Variants in ARPP19 observed in about 807,000 individuals in gnomAD.
ARPP19 encodes cAMP-regulated phosphoprotein 19.
ARPP19 carries 8 observed loss-of-function variants against 12.0 expected under a neutral mutation model. That is an observed-to-expected ratio of 0.67 (90% CI 0.39 to 1.21). The LOEUF (loss-of-function observed/expected upper bound fraction) is 1.21. Ranked by LOEUF, ARPP19 falls within the 50% of genes most tolerant of loss-of-function variation. The pLI, the probability that ARPP19 is intolerant of heterozygous loss-of-function variation, is 0.01. For missense variants in ARPP19, 102 were observed against 136.3 expected (o/e 0.75, Z 1.25); for synonymous variants, 47 against 50.4 (o/e 0.93, Z 0.29).
In ARPP19 at chr15:52,551,849, G is replaced by C. The variant is rs1186567903; in HGVS notation, c.*85C>G. 4 of 1,020,670 alleles carry C rather than the reference G, an allele frequency of 3.9e-6. No individual in the cohort carries two copies. In the East Asian group the frequency reaches 7.1e-5, roughly 18 times the overall value. The allele number at this position is 1,020,670 out of a possible 1,614,324, so 63.2% of individuals were successfully genotyped here. On this transcript the variant is annotated 3_prime_UTR_variant, in exon 3 of 3. Transcript: ENST00000249822. ...AAGCTGTCAGTCTCAAATGACTAGTGAATGAAAGGAAATAAAAAGTAGATA... is the reference window on the plus strand; with the variant it reads ...AAGCTGTCAGTCTCAAATGACTAGTCAATGAAAGGAAATAAAAAGTAGATA...
At chr15:52,553,288 T>A (rs548847537) in intron 2 of ARPP19, among the ~76,000 whole-genome samples, 10 of 152,220 alleles carry the variant, frequency 6.6e-5, no homozygotes, top group Admixed American at 2.0e-4. Flanking sequence ...AAAATGCATA[T>A]CCCTACTCCA....
In ARPP19 at chr15:52,547,807, T is replaced by C. The variant is rs961395140; in HGVS notation, c.*4127A>G. ...ATATTGTTTTAGAAAATTTTAAATG[T>C]GTCCTAAATTGTGGCATATTGAAAA... On this transcript the variant is annotated 3_prime_UTR_variant, in exon 3 of 3. Transcript: ENST00000249822. 4 of 152,222 alleles carry C rather than the reference T, an allele frequency of 2.6e-5. No homozygotes were observed. Among genetic ancestry groups the C allele is most frequent in the Non-Finnish European group, 4.4e-5 (3 of 68,048 alleles). The allele number at this position is 152,222 out of a possible 1,614,324, so 9.4% of individuals were successfully genotyped here.
intron 2 of ARPP19, among the ~76,000 whole-genome samples, chr15:52,554,852 A>G (rs1166207881): frequency 1.3e-5 from 2 of 152,162 alleles, no homozygotes; most frequent in African/African-American, 4.8e-5. Flanking sequence ...ACACAGTCAT[A>G]TTGTTAAAAG....
At chr15:52,569,106 C>G (rs2078117839), upstream of ARPP19, 3 of 548,988 alleles carry the variant, frequency 5.5e-6, no homozygotes, top group Non-Finnish European at 9.6e-6. Flanking sequence ...CGCACCGCAC[C>G]CCTACCTACT....
chr15:52,551,669 G>GT lies in ARPP19; in HGVS notation c.*264dup. The GT allele has an allele frequency of 2.8e-6, 1 of 353,398 alleles. No homozygotes were observed. Among genetic ancestry groups the GT allele is most frequent in the East Asian group, 5.3e-5 (1 of 18,852 alleles). 21.9% of individuals were successfully genotyped at this position (353,398 alleles called of 1,614,324 possible). On this transcript the variant is annotated 3_prime_UTR_variant, in exon 3 of 3. Coordinates refer to ENST00000249822, the MANE Select transcript of ARPP19 (RefSeq NM_006628.6). ...ACTTGCTTGTTACTTGTTAGAACCAGTACTACACTAGAAGTTAGGTAATAT... is the reference window on the plus strand; with the variant it reads ...ACTTGCTTGTTACTTGTTAGAACCAGTTACTACACTAGAAGTTAGGTAATAT...
In ARPP19 at chr15:52,552,038, T is replaced by C. The variant is rs2077937074; in HGVS notation, c.235A>G (p.Thr79Ala). The change falls in exon 3 of 3, where the codon ACT becomes GCT. Residue 79 changes from threonine to alanine, a missense_variant. By Grantham distance (58) the Thr-to-Ala change is moderately conservative (BLOSUM62 0). Transcript: ENST00000249822. The part of the protein sequence containing the change: ...KAKMKNKQLP[T>A]AAPDKTEVTG... The stretch of plus-strand genomic sequence containing the variant: ...ACCTCCGTCTTATCCGGAGCTGCAG[T>C]AGGAAGTTGCTTGTTCTTCATTTTT... 4 of 1,612,556 alleles carry C rather than the reference T, an allele frequency of 2.5e-6. No individual in the cohort carries two copies. Among genetic ancestry groups the C allele is most frequent in the Admixed American group, 1.7e-5 (1 of 60,030 alleles).
chr15:52,555,180 T>C (rs1007632328), intron 2 of ARPP19, among the ~76,000 whole-genome samples: 1 of 152,080 alleles, frequency 6.6e-6, no homozygotes, highest in Non-Finnish European at 1.5e-5. Flanking sequence ...TTTTCTTCAT[T>C]CTCAACTATT....
At chr15:52,564,326 T>C in intron 1 of ARPP19, 2 of 1,047,924 alleles carry the variant, frequency 1.9e-6, no homozygotes, top group Non-Finnish European at 2.8e-6. Context: ...GGTGGGAGGC[T>C]AGGTGAACCC....
At chr15:52,553,001 C>T (rs2077949710) in intron 2 of ARPP19, among the ~76,000 whole-genome samples, 1 of 151,658 alleles carries the variant, frequency 6.6e-6, no homozygotes, top group South Asian at 2.1e-4. Flanking sequence ...CGCTTGAACC[C>T]GGGGTGTGGA....
At chr15:52,554,656 A>C (rs1393438736) in intron 2 of ARPP19, among the ~76,000 whole-genome samples, 1 of 152,178 alleles carries the variant, frequency 6.6e-6, no homozygotes, top group East Asian at 1.9e-4. Flanking sequence ...GTGATCACCT[A>C]AAGTGGTAAT....
chr15:52,557,417 A>AGCTGT (rs550058142), intron 1 of ARPP19, 195 bp from the exon 2 acceptor site: 7 of 537,110 alleles, frequency 1.3e-5, no homozygotes, highest in Non-Finnish European at 2.3e-5. Context: ...GCTCTATTAT[A>AGCTGT]GCTGTGATGC....
intron 1 of ARPP19, among the ~76,000 whole-genome samples, chr15:52,558,784 TAAA>T (rs201468639): frequency 2.2e-5 from 3 of 135,052 alleles, no homozygotes; most frequent in Admixed American, 7.4e-5. Context: ...ATTCATACAT[TAAA>T]AAAAAAAAAA....
chr15:52,569,306 T>C (rs1339347735), upstream of ARPP19: 2 of 243,704 alleles, frequency 8.2e-6, no homozygotes, highest in African/African-American at 2.4e-5. Flanking sequence ...AGCTTTATTT[T>C]ACTCTTTCCA....
chr15:52,555,621 G>A lies in ARPP19; in HGVS notation c.168+1479C>T, dbSNP rs572159124. 5.3e-5 allele frequency among the ~76,000 whole-genome samples: 8 copies of A among 152,012 alleles called. No individual in the cohort carries two copies. The South Asian group carries it at 1.4e-3, about 28-fold the overall frequency. ...CAACTTGGAAGACTTTCCTTGTACT[G>A]AATTATACTCTTAGATTAATAAATA... On this transcript the variant is annotated intron_variant, in intron 2 of 2. Coordinates refer to ENST00000249822, the MANE Select transcript of ARPP19 (RefSeq NM_006628.6).
Position 52,550,839 on chromosome 15 carries a change from GGA to G in ARPP19, c.*1093_*1094del, listed in dbSNP as rs1311807286. On this transcript the variant is annotated 3_prime_UTR_variant, in exon 3 of 3. Transcript: ENST00000249822. ...TTCTAGGGTCTCCAAAACTGAGTGT[GGA>G]AGTAAAAAGTTTCTACATTTAAAAA... 6.6e-6 allele frequency: 1 copy of G among 152,584 alleles called. No individual in the cohort carries two copies. The highest frequency in any genetic ancestry group is 1.5e-5 in the Non-Finnish European group (1 of 68,032). 9.5% of individuals were successfully genotyped at this position (152,584 alleles called of 1,614,324 possible).
chr15:52,564,118 C>G, intron 1 of ARPP19: 7 of 1,082,996 alleles, frequency 6.5e-6, no homozygotes, highest in Non-Finnish European at 9.5e-6. Flanking sequence ...AAGAAGCAAC[C>G]CTAACAAACT....
In ARPP19 at chr15:52,554,864, CTAA is replaced by C. The variant is rs555870947; in HGVS notation, c.168+2233_168+2235del. Among the ~76,000 whole-genome samples, 179 of 152,144 alleles carry C rather than the reference CTAA, an allele frequency of 1.2e-3. 3 individuals are homozygous for C. The highest frequency in any genetic ancestry group is 7.7e-4 in the East Asian group (4 of 5,188). ...TGTACACAGTCATATTGTTAAAAGC[CTAA>C]TAATAACATTAACCTCATAATAACA... On this transcript the variant is annotated intron_variant, in intron 2 of 2. Transcript: ENST00000249822.
At position 52,551,876 on chromosome 15, in the gene ARPP19, G is replaced by A. The variant is rs1317407028; in HGVS notation, c.*58C>T. On this transcript the variant is annotated 3_prime_UTR_variant, in exon 3 of 3. Transcript: ENST00000249822. Reference sequence around the variant, plus strand: ...ATGAAAGGAAATAAAAAGTAGATAAGTAACATATTAAGGAGAAATAATGAG... The same window carrying A: ...ATGAAAGGAAATAAAAAGTAGATAAATAACATATTAAGGAGAAATAATGAG... 1 of 1,281,644 alleles carries A rather than the reference G, an allele frequency of 7.8e-7. No individual in the cohort carries two copies. Among genetic ancestry groups the A allele is most frequent in the African/African-American group, 1.5e-5 (1 of 67,234 alleles). The allele number at this position is 1,281,644 out of a possible 1,614,324, so 79.4% of individuals were successfully genotyped here.
At chr15:52,559,409 C>T (rs191730141) in intron 1 of ARPP19, among the ~76,000 whole-genome samples, 71 of 152,190 alleles carry the variant, frequency 4.7e-4, no homozygotes, top group African/African-American at 1.6e-3. Flanking sequence ...AATCTCAGCC[C>T]GTACAATACA....
Sources: allele counts gnomAD v4.1 joint callset (sites outside exome capture counted in the v4.1 genomes callset), GRCh38; gene constraint gnomAD v4.1.1; transcripts MANE v1.5; gene names NCBI Gene and HGNC (gene_info 2026-07-23, HGNC 2026-07-21).